ARL15: variants seen among roughly 807,000 people sequenced by gnomAD.
ARL15 encodes ARF like GTPase 15.
A neutral mutation model predicts 25.2 loss-of-function variants in ARL15; 19 were observed. The observed-to-expected ratio is 0.75, with a 90% confidence interval of 0.53 to 1.10. ARL15 has a LOEUF of 1.10. Ranked by LOEUF, ARL15 falls within the 50% of genes least tolerant of loss-of-function variation. ARL15 has a pLI of 0.00. For missense variants in ARL15, 220 were observed against 246.0 expected, an observed-to-expected ratio of 0.89 and a Z score of 0.71; for synonymous variants, 94 against 86.8, an observed-to-expected ratio of 1.08 and a Z score of -0.46.
chr5:54,165,866 G>T (rs149542), intron 2 of ARL15, among the ~76,000 whole-genome samples: 1 of 151,596 alleles, frequency 6.6e-6, no homozygotes, highest in African/African-American at 2.4e-5. Flanking sequence ...GAATCAATAC[G>T]CAGTTCAAGT....
intron 4 of ARL15, among the ~76,000 whole-genome samples, chr5:53,942,732 C>G (rs938728803): frequency 4.7e-5 from 7 of 149,244 alleles, no homozygotes; most frequent in South Asian, 2.1e-4. Flanking sequence ...GGTGACAGAG[C>G]GAGACTCCAT....
At chr5:54,130,322 G>A (rs1296369783) in intron 3 of ARL15, among the ~76,000 whole-genome samples, 1 of 152,122 alleles carries the variant, frequency 6.6e-6, no homozygotes, top group African/African-American at 2.4e-5. Flanking sequence ...TGTCAAGAGA[G>A]ATTTAAAAAA....
At chr5:54,002,854 T>G (rs3776719) in intron 4 of ARL15, among the ~76,000 whole-genome samples, 42,712 of 152,048 alleles carry the variant, frequency 0.28, 6,234 homozygotes, top group East Asian at 0.46. Flanking sequence ...AATGATTCTG[T>G]GTATCTCTGT....
chr5:53,909,531 A>AC (rs1561144896), intron 4 of ARL15, among the ~76,000 whole-genome samples: 1 of 152,104 alleles, frequency 6.6e-6, no homozygotes, highest in Non-Finnish European at 1.5e-5. Context: ...ACATGGAGAA[A>AC]CCCTGTCTCT....
Position 53,979,829 on chromosome 5 carries a change from T to TTG in ARL15, c.463-93118_463-93117dup, listed in dbSNP as rs70986653. Among the ~76,000 whole-genome samples the TTG allele has an allele frequency of 4.0e-3, 569 of 143,150 alleles. 4 individuals carry two copies. Among genetic ancestry groups the TTG allele is most frequent in the South Asian group, 0.018 (80 of 4,384 alleles). 93.9% of individuals were successfully genotyped at this position (143,150 alleles called of 152,430 possible). A position where few individuals can be genotyped will look rare whatever the true frequency, so the allele number is the denominator to read the frequency against. On this transcript the variant is annotated intron_variant, in intron 4 of 4. Coordinates refer to ENST00000504924, the MANE Select transcript of ARL15 (RefSeq NM_019087.3). The stretch of plus-strand genomic sequence containing the variant: ...CACAGTTGAAAGTCTTTAAAGTCTT[T>TTG]TGTGTGTGTGTGTGTGTGTGTGTGT...
At position 54,092,877 on chromosome 5, in the gene ARL15, A is replaced by G. The variant is rs1228501528; in HGVS notation, c.462+20325T>C. 2.6e-5 allele frequency among the ~76,000 whole-genome samples: 4 copies of G among 152,348 alleles called. No homozygotes were observed. In the South Asian group the frequency reaches 6.2e-4, roughly 24 times the overall value. On this transcript the variant is annotated intron_variant, in intron 4 of 4. Transcript: ENST00000504924. The stretch of plus-strand genomic sequence containing the variant: ...TAAATAGGAAAAGAAGACCCAAATT[A>G]TATCATTTTAACTTACCTTATTTTT...
chr5:54,127,097 G>A (rs746899581), intron 3 of ARL15, among the ~76,000 whole-genome samples: 64 of 152,096 alleles, frequency 4.2e-4, no homozygotes, highest in East Asian at 7.7e-4. Flanking sequence ...GAGAATATGC[G>A]GGTTTTTGTT....
At chr5:53,934,443 A>G (rs2112063382) in intron 4 of ARL15, among the ~76,000 whole-genome samples, 1 of 148,420 alleles carries the variant, frequency 6.7e-6, no homozygotes, top group East Asian at 2.0e-4. Context: ...GAAAAAAAAA[A>G]ATAGAAACCT....
intron 4 of ARL15, among the ~76,000 whole-genome samples, chr5:54,089,255 C>A (rs1752063345): frequency 1.3e-5 from 2 of 152,112 alleles, no homozygotes; most frequent in African/African-American, 2.4e-5. Context: ...ATTAACTTTT[C>A]TTTAATCATG....
At chr5:54,050,751 T>C (rs1464837224) in intron 4 of ARL15, among the ~76,000 whole-genome samples, 1 of 152,198 alleles carries the variant, frequency 6.6e-6, no homozygotes, top group African/African-American at 2.4e-5. Context: ...TTCGTGTCTA[T>C]GAAATTCTAC....
At chr5:54,001,005 A>T (rs1434587501) in intron 4 of ARL15, among the ~76,000 whole-genome samples, 2 of 152,190 alleles carry the variant, frequency 1.3e-5, no homozygotes, top group Non-Finnish European at 1.5e-5. Flanking sequence ...TAATAATTTT[A>T]TCTCTGAATT....
intron 1 of ARL15, among the ~76,000 whole-genome samples, chr5:54,228,873 A>T (rs1756595190): frequency 6.6e-6 from 1 of 152,176 alleles, no homozygotes; most frequent in Non-Finnish European, 1.5e-5. Context: ...TTTTAAAAGG[A>T]TATCATAGTA....
intron 1 of ARL15, among the ~76,000 whole-genome samples, chr5:54,251,244 T>C (rs1317978006): frequency 2.0e-5 from 3 of 152,168 alleles, no homozygotes; most frequent in African/African-American, 2.4e-5. Context: ...AATTCTAAGG[T>C]GGCCAAACAA....
At chr5:54,125,837 T>C (rs1479834020) in intron 3 of ARL15, among the ~76,000 whole-genome samples, 1 of 152,164 alleles carries the variant, frequency 6.6e-6, no homozygotes, top group Non-Finnish European at 1.5e-5. Flanking sequence ...TAGGTAGAAA[T>C]TCCCAAATGT....
At chr5:53,999,468 T>C (rs1748785816) in intron 4 of ARL15, among the ~76,000 whole-genome samples, 1 of 152,024 alleles carries the variant, frequency 6.6e-6, no homozygotes, top group Non-Finnish European at 1.5e-5. Flanking sequence ...TGCGGGCCTG[T>C]AATCCCAGCC....
chr5:53,885,536 A>G lies in ARL15; in HGVS notation c.*1025T>C, dbSNP rs973226053. Reference sequence around the variant, plus strand: ...TAGAAATACTGATAAACCTTTAACTACTAGAGGAAGGCATTAACAGATTCC... The same window carrying G: ...TAGAAATACTGATAAACCTTTAACTGCTAGAGGAAGGCATTAACAGATTCC... On this transcript the variant is annotated 3_prime_UTR_variant, in exon 5 of 5. Transcript: ENST00000504924. The G allele has an allele frequency of 6.6e-6, 1 of 152,616 alleles. No individual in the cohort carries two copies. The highest frequency in any genetic ancestry group is 6.5e-5 in the Admixed American group (1 of 15,286). The allele number at this position is 152,616 out of a possible 1,614,324, so 9.5% of individuals were successfully genotyped here.
chr5:53,935,318 T>C (rs1441249272), intron 4 of ARL15, among the ~76,000 whole-genome samples: 1 of 152,188 alleles, frequency 6.6e-6, no homozygotes, highest in Non-Finnish European at 1.5e-5. Context: ...AACAAGCAGA[T>C]ACATGTTTGT....
chr5:54,193,486 G>A (rs1197850813), intron 1 of ARL15, among the ~76,000 whole-genome samples: 1 of 152,136 alleles, frequency 6.6e-6, no homozygotes, highest in Non-Finnish European at 1.5e-5. Flanking sequence ...TATCAGATCA[G>A]CTACAGCATT....
intron 3 of ARL15, among the ~76,000 whole-genome samples, chr5:54,140,447 G>GATAGAT (rs1753739613): frequency 1.4e-5 from 2 of 138,342 alleles, no homozygotes; most frequent in East Asian, 4.3e-4. Flanking sequence ...TAGATAGATA[G>GATAGAT]ATAGATAGAT....
Sources: gnomAD v4.1 joint callset for allele counts (sites outside exome capture counted in the v4.1 genomes callset) on GRCh38, gnomAD v4.1.1 for gene constraint, MANE v1.5 for transcripts, NCBI Gene and HGNC (gene_info 2026-07-23, HGNC 2026-07-21) for gene names.